MAP3K15: variants seen among roughly 807,000 people sequenced by gnomAD.
MAP3K15 encodes MAPK/ERK kinase kinase 15.
A neutral mutation model predicts 99.5 loss-of-function variants in MAP3K15; 124 were observed. The observed-to-expected ratio is 1.25, with a 90% CI of 1.08 to 1.45. MAP3K15 has a LOEUF of 1.45. MAP3K15 is among the 40% of genes most tolerant of loss of function. The pLI is 0.00. For synonymous variants in MAP3K15, 494 were observed against 439.6 expected, an observed-to-expected ratio of 1.12 and a Z score of -1.55; for missense variants, 1,242 against 1,079.7, an observed-to-expected ratio of 1.15 and a Z score of -2.11.
rs1491234117 is a variant in MAP3K15 at position 19,474,543 on chromosome X, T to TG, written c.526-10138dup. Among the ~76,000 whole-genome samples, 25 of 63,687 alleles carry TG rather than the reference T, an allele frequency of 3.9e-4. 1 individual carries two copies. Among genetic ancestry groups the TG allele is most frequent in the East Asian group, 6.2e-4 (1 of 1,614 alleles). The allele number at this position is 63,687 out of a possible 115,157, so 55.3% of individuals were successfully genotyped here. On this transcript the variant is annotated intron_variant, in intron 3 of 28. Transcript: ENST00000338883. ...CTGAGATCCAGTCATTCTTGGAGGT[T>TG]GGGGGGGGGGGTCTGTGAACTTGAA...
chrX:19,486,604 T>C, intron 2 of MAP3K15, 99 bp from the exon 3 acceptor site: 2 of 362,142 alleles, frequency 5.5e-6, no homozygotes, highest in Non-Finnish European at 9.0e-6. Context: ...ATTAATCATG[T>C]AAGAATTAAT....
chrX:19,426,459 T>C, intron 7 of MAP3K15, 116 bp from the exon 8 acceptor site: 1 of 375,396 alleles, frequency 2.7e-6, no homozygotes, highest in Non-Finnish European at 4.4e-6. Flanking sequence ...TGTTGCCCAT[T>C]CCCCTCGCCT....
chrX:19,400,535 A>G (rs1317110698), intron 14 of MAP3K15, 41 bp downstream of exon 14: 2 of 988,687 alleles, frequency 2.0e-6, no homozygotes, highest in East Asian at 6.2e-5. Flanking sequence ...CATCGAACAC[A>G]CAATCAATGT....
intron 9 of MAP3K15, among the ~76,000 whole-genome samples, chrX:19,420,278 T>C (rs1235455962): frequency 9.0e-6 from 1 of 110,972 alleles, no homozygotes; most frequent in Non-Finnish European, 1.9e-5. Flanking sequence ...ATCAACAAAA[T>C]TGATAGACTG....
chrX:19,506,893 C>T (rs1029277191), intron 1 of MAP3K15, among the ~76,000 whole-genome samples: 2 of 112,137 alleles, frequency 1.8e-5, no homozygotes, highest in Non-Finnish European at 1.9e-5. Context: ...CAATACTTCA[C>T]AACTTTTAAG....
At chrX:19,432,755 G>A (rs757535455) in intron 6 of MAP3K15, among the ~76,000 whole-genome samples, 3 of 101,028 alleles carry the variant, frequency 3.0e-5, no homozygotes, top group Admixed American at 1.1e-4. Context: ...TCGCTTTGTC[G>A]CCCAGGCTGG....
intron 5 of MAP3K15, among the ~76,000 whole-genome samples, chrX:19,457,448 C>T (rs181826027): frequency 7.1e-4 from 79 of 110,874 alleles, no homozygotes; most frequent in Non-Finnish European, 1.2e-3. Flanking sequence ...CCTGTCTCTA[C>T]TAAAAATACA....
At chrX:19,434,416 T>TA (rs2063907351) in intron 6 of MAP3K15, among the ~76,000 whole-genome samples, 4 of 106,407 alleles carry the variant, frequency 3.8e-5, no homozygotes, top group Non-Finnish European at 5.8e-5. Context: ...TTTTTTTTTT[T>TA]AAGGAGAAAT....
Position 19,369,235 on chromosome X carries a change from G to C in MAP3K15, c.3401-16C>G, listed in dbSNP as rs1209879544. 5.0e-6 allele frequency: 6 copies of C among 1,209,085 alleles called. No homozygotes were observed. In the Admixed American group the frequency reaches 1.1e-4, roughly 22 times the overall value. The stretch of plus-strand genomic sequence containing the variant: ...GCTCGGAGCTCTGCAAATCACACAA[G>C]ACATGACAATGGTGAGCAAACCAGG... On this transcript the variant is annotated splice_polypyrimidine_tract_variant and intron_variant, in intron 24 of 28. Coordinates refer to ENST00000338883, the MANE Select transcript of MAP3K15 (RefSeq NM_001001671.4).
intron 16 of MAP3K15, 84 bp downstream of exon 16, chrX:19,394,997 C>T (rs1286214208): frequency 1.5e-5 from 17 of 1,100,154 alleles, no homozygotes; most frequent in South Asian, 1.9e-5. Context: ...AGGGGTCTGT[C>T]ATTTTGTAAA....
chrX:19,360,662 A>G lies in MAP3K15; in HGVS notation c.*87T>C, dbSNP rs1158262400. On this transcript the variant is annotated 3_prime_UTR_variant, in exon 29 of 29. Transcript: ENST00000338883. Reference sequence around the variant, plus strand: ...CAATGGCATTTTTAAATATGTAAACACAGCGGAATTCGTGTATACACTAAC... The same window carrying G: ...CAATGGCATTTTTAAATATGTAAACGCAGCGGAATTCGTGTATACACTAAC... 2 of 689,396 alleles carry G rather than the reference A, an allele frequency of 2.9e-6. No homozygotes were observed. The highest frequency in any genetic ancestry group is 4.5e-6 in the Non-Finnish European group (2 of 440,316). The allele number at this position is 689,396 out of a possible 1,213,427, so 56.8% of individuals were successfully genotyped here.
intron 3 of MAP3K15, among the ~76,000 whole-genome samples, chrX:19,484,968 C>G (rs1291092085): frequency 9.0e-6 from 1 of 111,226 alleles, no homozygotes; most frequent in African/African-American, 3.3e-5. Context: ...GGGCCTCAGG[C>G]CCAATCTCCT....
chrX:19,445,310 G>A (rs1041089568), intron 6 of MAP3K15, among the ~76,000 whole-genome samples: 1 of 110,369 alleles, frequency 9.1e-6, no homozygotes, highest in African/African-American at 3.3e-5. Context: ...AAAATTAGGG[G>A]CCAGGCATGG....
At chrX:19,478,901 G>A (rs945833506) in intron 3 of MAP3K15, among the ~76,000 whole-genome samples, 1 of 92,580 alleles carries the variant, frequency 1.1e-5, no homozygotes, top group Admixed American at 1.3e-4. Context: ...TGCAAGTGTT[G>A]GGTAGAACAC....
intron 14 of MAP3K15, among the ~76,000 whole-genome samples, chrX:19,398,804 T>C (rs1228252587): frequency 9.0e-6 from 1 of 111,342 alleles, no homozygotes; most frequent in Non-Finnish European, 1.9e-5. Flanking sequence ...ATACAAAAAG[T>C]AAATATGCTG....
intron 5 of MAP3K15, among the ~76,000 whole-genome samples, chrX:19,459,471 A>G (rs1346063123): frequency 8.9e-6 from 1 of 112,321 alleles, no homozygotes; most frequent in Admixed American, 9.4e-5. Context: ...ACCAGCCCCG[A>G]TGTGACAAAA....
intron 3 of MAP3K15, chrX:19,482,395 T>C (rs2064297357): frequency 1.8e-5 from 2 of 111,472 alleles, no homozygotes; most frequent in South Asian, 3.7e-4. Flanking sequence ...TAGAATACCA[T>C]TCAGTAATAA....
rs996585012 is a variant in MAP3K15, at chrX:19,374,762, C to T, written c.2590-102G>A. 7 of 748,445 alleles carry T rather than the reference C, an allele frequency of 9.4e-6. No individual in the cohort carries two copies. The African/African-American group carries it at 1.3e-4, about 14-fold the overall frequency. The allele number at this position is 748,445 out of a possible 1,213,427, so 61.7% of individuals were successfully genotyped here. ...CTCCTGTACACCTGACATCCCAGGA[C>T]AGGCATAATCCATGCCCCCTTGCAA... is the stretch of plus-strand genomic sequence containing the variant. On this transcript the variant is annotated intron_variant, in intron 19 of 28. Coordinates refer to ENST00000338883, the MANE Select transcript of MAP3K15 (RefSeq NM_001001671.4).
At position 19,374,691 on chromosome X, in the gene MAP3K15, C is replaced by CA. The variant is rs1469314616; in HGVS notation, c.2590-32dup. 2.6e-6 allele frequency: 3 copies of CA among 1,165,888 alleles called. No homozygotes were observed. The African/African-American group carries it at 5.3e-5, about 21-fold the overall frequency. ...TTTAAGGGAGAGGTAACCGATGTGTCAGTGAGGCCTTGGGTGAATTCAGGT... is the reference window on the plus strand; with the variant it reads ...TTTAAGGGAGAGGTAACCGATGTGTCAAGTGAGGCCTTGGGTGAATTCAGGT... On this transcript the variant is annotated intron_variant, in intron 19 of 28. Coordinates refer to ENST00000338883, the MANE Select transcript of MAP3K15 (RefSeq NM_001001671.4).
Sources: allele counts gnomAD v4.1 joint callset (sites outside exome capture counted in the v4.1 genomes callset), GRCh38; gene constraint gnomAD v4.1.1; transcripts MANE v1.5; gene names NCBI Gene and HGNC (gene_info 2026-07-23, HGNC 2026-07-21).